MGMT: variants seen among roughly 807,000 people sequenced by gnomAD.
MGMT encodes the protein O-6-methylguanine-DNA methyltransferase, also known as methylated-DNA--protein-cysteine methyltransferase.
MGMT carries 14 observed loss-of-function variants against 15.9 expected under a neutral mutation model. That is an observed-to-expected ratio of 0.88 (90% CI 0.58 to 1.37). MGMT has a LOEUF of 1.37. MGMT is among the 40% of genes most tolerant of loss of function. The probability of loss-of-function intolerance (pLI) is 0.00; values close to 1 mark genes in which losing one functional copy is unlikely to be tolerated. For missense variants in MGMT, 282 were observed against 268.1 expected (o/e 1.05, Z -0.36); for synonymous variants, 130 against 118.2 (o/e 1.10, Z -0.65).
At chr10:129,578,499 C>T (rs929841142) in intron 2 of MGMT, among the ~76,000 whole-genome samples, 4 of 140,158 alleles carry the variant, frequency 2.9e-5, no homozygotes, top group Non-Finnish European at 6.0e-5. Flanking sequence ...CACATGGACA[C>T]AGGAAGGGGA....
intron 2 of MGMT, among the ~76,000 whole-genome samples, chr10:129,695,471 A>G (rs939822851): frequency 2.0e-5 from 3 of 152,258 alleles, no homozygotes; most frequent in Admixed American, 6.5e-5. Context: ...GTGGAGGTCA[A>G]TCCTCATATA....
chr10:129,692,995 G>A (rs1847986813), intron 2 of MGMT, among the ~76,000 whole-genome samples: 1 of 152,260 alleles, frequency 6.6e-6, no homozygotes, highest in Non-Finnish European at 1.5e-5. Context: ...CAAGGAATAA[G>A]TGTCACTCAG....
chr10:129,642,645 T>A (rs954046937), intron 2 of MGMT, among the ~76,000 whole-genome samples: 1 of 152,210 alleles, frequency 6.6e-6, no homozygotes, highest in African/African-American at 2.4e-5. Context: ...TTGAACTGAC[T>A]GTCCTTCTTA....
At chr10:129,742,400 C>T (rs1197232124) in intron 3 of MGMT, among the ~76,000 whole-genome samples, 1 of 152,262 alleles carries the variant, frequency 6.6e-6, no homozygotes, top group Non-Finnish European at 1.5e-5. Flanking sequence ...CGACCCGGGG[C>T]GTTCAGCAGT....
intron 2 of MGMT, among the ~76,000 whole-genome samples, chr10:129,601,615 C>T (rs1846822788): frequency 6.6e-6 from 1 of 152,162 alleles, no homozygotes; most frequent in Non-Finnish European, 1.5e-5. Context: ...TCAGGCCTCC[C>T]CAGCAGTGGC....
At chr10:129,585,390 A>G (rs1165152732) in intron 2 of MGMT, among the ~76,000 whole-genome samples, 1 of 152,198 alleles carries the variant, frequency 6.6e-6, no homozygotes, top group East Asian at 1.9e-4. Flanking sequence ...CCCCTTAGTC[A>G]TGGGGAATAT....
At chr10:129,627,927 T>C (rs1266422294) in intron 2 of MGMT, among the ~76,000 whole-genome samples, 3 of 152,228 alleles carry the variant, frequency 2.0e-5, no homozygotes, top group African/African-American at 7.2e-5. Context: ...TCTTCCCTGT[T>C]GTGTCCTGAG....
chr10:129,566,867 G>C lies in MGMT; in HGVS notation c.125+30490G>C, dbSNP rs1846361104. ...CGTGGCGAACAGAGGCTCTAAGAGA[G>C]GGGTCTTTGTTTTGGGGCAGTGAGA... On this transcript the variant is annotated intron_variant, in intron 2 of 4. Transcript: ENST00000651593. The surrounding 1 kb of genome is among the most constrained non-coding windows in gnomAD (Gnocchi z 4.1). Among the ~76,000 whole-genome samples, 1 of 152,152 alleles carries C rather than the reference G, an allele frequency of 6.6e-6. No individual in the cohort carries two copies. Among genetic ancestry groups the C allele is most frequent in the African/African-American group, 2.4e-5 (1 of 41,438 alleles).
At chr10:129,575,194 T>G (rs902721752) in intron 2 of MGMT, among the ~76,000 whole-genome samples, 1 of 152,142 alleles carries the variant, frequency 6.6e-6, no homozygotes, top group African/African-American at 2.4e-5. Context: ...CTAATAGACA[T>G]CTACAGAACT....
At chr10:129,732,276 G>A (rs939682176) in intron 3 of MGMT, among the ~76,000 whole-genome samples, 9 of 151,918 alleles carry the variant, frequency 5.9e-5, no homozygotes, top group Admixed American at 5.9e-4. Flanking sequence ...TTTATATTAG[G>A]TATTTCTCCT....
chr10:129,733,238 A>G (rs1388707249), intron 3 of MGMT, among the ~76,000 whole-genome samples: 2 of 144,306 alleles, frequency 1.4e-5, no homozygotes, highest in Non-Finnish European at 3.0e-5. Context: ...TGACTTTTTA[A>G]TGATTGCCAT....
chr10:129,677,587 A>C (rs1847799943), intron 2 of MGMT, among the ~76,000 whole-genome samples: 3 of 152,160 alleles, frequency 2.0e-5, no homozygotes, highest in African/African-American at 2.4e-5. Flanking sequence ...GTCTGTTTGT[A>C]AGCAGTGCCT....
At chr10:129,494,767 A>C (rs542426204) in intron 1 of MGMT, among the ~76,000 whole-genome samples, 11 of 152,330 alleles carry the variant, frequency 7.2e-5, no homozygotes, top group Admixed American at 4.6e-4. Flanking sequence ...AATGGTCTTA[A>C]GAGGTCTTTA....
At chr10:129,742,644 G>A (rs892759752) in intron 3 of MGMT, among the ~76,000 whole-genome samples, 2 of 150,286 alleles carry the variant, frequency 1.3e-5, no homozygotes, top group African/African-American at 2.5e-5. Context: ...CATCAGGGCC[G>A]GGGCATTCAG....
intron 2 of MGMT, among the ~76,000 whole-genome samples, chr10:129,564,808 A>G (rs1272807269): frequency 6.7e-6 from 1 of 148,390 alleles, no homozygotes; most frequent in East Asian, 2.0e-4. Flanking sequence ...TTTTCTGGGG[A>G]CTGGCTCTTC....
intron 2 of MGMT, among the ~76,000 whole-genome samples, chr10:129,642,120 C>T (rs77567419): frequency 0.047 from 7,186 of 152,200 alleles, 202 homozygotes; most frequent in Middle Eastern, 0.088. Flanking sequence ...ACATCCCCTC[C>T]GCTCAGTGGG....
chr10:129,712,670 C>T (rs1848245931), intron 3 of MGMT, among the ~76,000 whole-genome samples: 1 of 152,142 alleles, frequency 6.6e-6, no homozygotes, highest in Admixed American at 6.5e-5. Flanking sequence ...GTGAGGACTG[C>T]TTGGGTCCTG....
At chr10:129,479,309 G>A (rs144958994) in intron 1 of MGMT, among the ~76,000 whole-genome samples, 8 of 152,186 alleles carry the variant, frequency 5.3e-5, no homozygotes, top group Non-Finnish European at 7.4e-5. Flanking sequence ...ACAAGTATGC[G>A]TTGGGCCTTG....
chr10:129,575,180 G>A (rs1020774192), intron 2 of MGMT, among the ~76,000 whole-genome samples: 8 of 152,008 alleles, frequency 5.3e-5, no homozygotes, highest in Admixed American at 1.3e-4. Flanking sequence ...TGCACCAAGC[G>A]GACCTAATAG....
Sources: gnomAD v4.1 joint callset for allele counts (sites outside exome capture counted in the v4.1 genomes callset) on GRCh38, gnomAD v4.1.1 for gene constraint, Gnocchi (gnomAD v3.1) non-coding constraint, MANE v1.5 for transcripts, NCBI Gene and HGNC (gene_info 2026-07-23, HGNC 2026-07-21) for gene names.